The following BAG6 variants were observed in gnomAD, a reference collection of about 807,000 sequenced individuals.
The protein encoded by BAG6 is large proline-rich protein BAG6.
BAG6 carries 22 observed loss-of-function variants against 121.0 expected under a neutral mutation model. The observed-to-expected ratio is 0.18, with a 90% CI of 0.13 to 0.26. The LOEUF (loss-of-function observed/expected upper bound fraction) is 0.26, where lower values mean the gene tolerates loss of function less well. BAG6 is among the 10% of genes least tolerant of loss of function. The pLI, the probability that BAG6 is intolerant of heterozygous loss-of-function variation, is 1.00. For synonymous variants in BAG6, 583 were observed against 584.6 expected (o/e 1.00, Z 0.04); for missense variants, 1,233 against 1,537.7 (o/e 0.80, Z 3.31).
chr6:31,643,538 A>G (rs996963962), intron 14 of BAG6, among the ~76,000 whole-genome samples: 2 of 151,942 alleles, frequency 1.3e-5, no homozygotes, highest in Non-Finnish European at 2.9e-5. Flanking sequence ...CCTGGCCAAC[A>G]TGGTGAAACC....
At chr6:31,646,370 G>C in intron 8 of BAG6, 24 bp downstream of exon 8, 1 of 1,610,246 alleles carries the variant, frequency 6.2e-7, no homozygotes, top group African/African-American at 1.3e-5. Flanking sequence ...TGAGGAGAAA[G>C]GGCAGGGCCA....
In BAG6 at chr6:31,641,991, C is replaced by G. The variant is rs753043642; in HGVS notation, c.2336-46G>C. The G allele has an allele frequency of 1.9e-6, 3 of 1,605,562 alleles. No individual in the cohort carries two copies. Among genetic ancestry groups the G allele is most frequent in the East Asian group, 2.2e-5 (1 of 44,778 alleles). On this transcript the variant is annotated intron_variant, in intron 16 of 25. Transcript: ENST00000676615. The surrounding 1 kb of genome is among the most constrained non-coding windows in gnomAD (Gnocchi z 5.7). ...TTAGCAATGGCCTTTACCACCTGGC[C>G]TGCCCACCCACAACCAGATCATCAA...
chr6:31,644,556 G>C lies in BAG6; in HGVS notation c.1416C>G (p.Pro472=), dbSNP rs754798901. The C allele has an allele frequency of 6.2e-7, 1 of 1,612,300 alleles. No homozygotes were observed. Among genetic ancestry groups the C allele is most frequent in the East Asian group, 2.2e-5 (1 of 44,880 alleles). ...TTTGGCCATGACCAGGGGGTCCCAG[G>C]GGGCCAGTGGGAGCACTCGGAACAC... ...PGGVPSAPTG[P]LGPPGHGQTL... The change falls in exon 11 of 26, where the codon CCC becomes CCG. Residue 472 remains proline (P), a synonymous_variant. Transcript: ENST00000676615. The surrounding 1 kb of genome is among the most constrained non-coding windows in gnomAD (Gnocchi z 4.9).
chr6:31,642,269 C>T lies in BAG6; in HGVS notation c.2178G>A (p.Leu726=), dbSNP rs1783561814. Residue 726 remains leucine, a synonymous_variant, in exon 16 of 26, where the codon CTG becomes CTA. Coordinates refer to ENST00000676615, the MANE Select transcript of BAG6 (RefSeq NM_001387994.1). ...GSPGGLGLES[L]SPEFFTSVVQ... ...CCACTGAGGTAAAAAACTCCGGTGA[C>T]AGGCTCTCAAGACCCAGGCCTCCAG... 2.5e-6 allele frequency: 4 copies of T among 1,608,466 alleles called. No individual in the cohort carries two copies. The highest frequency in any genetic ancestry group is 1.3e-5 in the African/African-American group (1 of 74,648).
Position 31,644,167 on chromosome 6 carries a change from G to A in BAG6, c.1583C>T (p.Ala528Val), listed in dbSNP as rs766716493. Residue 528 changes from alanine (A) to valine (V), a missense_variant, in exon 13 of 26, where the codon GCT (alanine) becomes GTT (valine). Coordinates refer to ENST00000676615, the MANE Select transcript of BAG6 (RefSeq NM_001387994.1). The surrounding 1 kb of genome is among the most constrained non-coding windows in gnomAD (Gnocchi z 4.9). ...AGQQVPGFPTAPTRVVIARPT... is the reference protein window; with the variant it reads ...AGQQVPGFPTVPTRVVIARPT... The stretch of plus-strand genomic sequence containing the variant: ...CCGGGCAATCACCACCCGGGTTGGA[G>A]CTGTTGGGAAGCCTGGCACCTGCTG... The A allele has an allele frequency of 1.9e-6, 3 of 1,613,780 alleles. No individual in the cohort carries two copies. Among genetic ancestry groups the A allele is most frequent in the Middle Eastern group, 1.6e-4 (1 of 6,084 alleles).
At chr6:31,646,770 T>G (rs1463918132) in intron 7 of BAG6, among the ~76,000 whole-genome samples, 4 of 124,518 alleles carry the variant, frequency 3.2e-5, no homozygotes, top group Admixed American at 8.2e-5. Flanking sequence ...ATTTTTGTTT[T>G]TTTTTTTTTT....
Position 31,642,932 on chromosome 6 carries a change from G to A in BAG6, c.1940C>T (p.Pro647Leu). The change falls in exon 15 of 26, where the codon CCT becomes CTT. Residue 647 changes from proline (P) to leucine (L), a missense_variant. Transcript: ENST00000676615. Reference protein sequence around the residue: ...FSQLLGNLLGPAGPGAGGSGV... With the variant: ...FSQLLGNLLGLAGPGAGGSGV... ...AGACCCTCCAGCCCCTGGCCCTGCA[G>A]GCCCTAGCAGGTTCCCCAGAAGCTG... The A allele has an allele frequency of 1.9e-6, 3 of 1,608,740 alleles. No individual in the cohort carries two copies. The South Asian group carries it at 3.3e-5, about 18-fold the overall frequency.
At chr6:31,643,452 G>A (rs544364453) in intron 14 of BAG6, among the ~76,000 whole-genome samples, 3 of 151,472 alleles carry the variant, frequency 2.0e-5, no homozygotes, top group South Asian at 4.2e-4. Flanking sequence ...GGCCGGGCAC[G>A]ATGGCTCAAG....
At chr6:31,648,590 A>C in intron 6 of BAG6, 87 bp downstream of exon 6, 1 of 1,298,912 alleles carries the variant, frequency 7.7e-7, no homozygotes, top group South Asian at 1.3e-5. Context: ...AACCCTGTGG[A>C]TGTGGCCAGT....
intron 9 of BAG6, 51 bp from the exon 10 acceptor site, chr6:31,645,249 C>A: frequency 6.3e-7 from 1 of 1,599,406 alleles, no homozygotes; most frequent in Non-Finnish European, 8.5e-7. Flanking sequence ...AAGAGCCTAA[C>A]CAAGAAAACC....
Position 31,640,537 on chromosome 6 carries a change from C to G in BAG6, c.2995-9G>C. ...GGGGAAGCATTCTCCCGCTGGGTGT[C>G]AGATGGCGGGAAGAGCCAGGCTTCA... On this transcript the variant is annotated splice_polypyrimidine_tract_variant and intron_variant, in intron 22 of 25. Transcript: ENST00000676615. This position sits in a 1 kb window ranked among gnomAD's most constrained non-coding sequence, Gnocchi z 4.2. 1 of 1,612,894 alleles carries G rather than the reference C, an allele frequency of 6.2e-7. No homozygotes were observed. The highest frequency in any genetic ancestry group is 8.5e-7 in the Non-Finnish European group (1 of 1,179,924).
intron 25 of BAG6, 99 bp from the exon 26 acceptor site, chr6:31,639,325 C>T (rs147628511): frequency 5.5e-6 from 8 of 1,451,762 alleles, no homozygotes; most frequent in Middle Eastern, 2.1e-4. Context: ...CATTTCCCCC[C>T]CCAAGCACAC....
chr6:31,651,922 A>T, intron 1 of BAG6, 146 bp from the exon 2 acceptor site: 1 of 571,022 alleles, frequency 1.8e-6, no homozygotes, highest in South Asian at 2.1e-5. Flanking sequence ...CCCCCTTCTG[A>T]TTCCGGGGCA....
In BAG6 at chr6:31,641,301, C is replaced by G; in HGVS notation, c.2662+19G>C. The G allele has an allele frequency of 6.2e-7, 1 of 1,613,856 alleles. No individual in the cohort carries two copies. Among genetic ancestry groups the G allele is most frequent in the South Asian group, 1.1e-5 (1 of 91,062 alleles). ...ACATGCAACAGGCCCCACTTGCCCCCGCCTGGCCAGCCCCTGACCTGTGCA... is the reference window on the plus strand; with the variant it reads ...ACATGCAACAGGCCCCACTTGCCCCGGCCTGGCCAGCCCCTGACCTGTGCA... On this transcript the variant is annotated intron_variant, in intron 19 of 25. Transcript: ENST00000676615. This position sits in a 1 kb window ranked among gnomAD's most constrained non-coding sequence, Gnocchi z 5.7.
At chr6:31,647,968 C>T (rs1791750689) in intron 6 of BAG6, 142 bp from the exon 7 acceptor site, 1 of 1,137,862 alleles carries the variant, frequency 8.8e-7, no homozygotes, top group Non-Finnish European at 1.2e-6. Flanking sequence ...GACTCGCTAG[C>T]AACTAGCATA....
intron 8 of BAG6, 139 bp from the exon 9 acceptor site, chr6:31,645,743 C>T (rs2150871638): frequency 2.0e-6 from 2 of 1,008,010 alleles, no homozygotes; most frequent in South Asian, 1.4e-5. Context: ...TACATGTAGA[C>T]CAAATCTTTG....
In BAG6 at chr6:31,639,134, A is replaced by C; in HGVS notation, c.3486T>G (p.Pro1162=). 6.2e-7 allele frequency: 1 copy of C among 1,607,812 alleles called. No homozygotes were observed. Among genetic ancestry groups the C allele is most frequent in the Non-Finnish European group, 8.5e-7 (1 of 1,175,626 alleles). The change falls in exon 26 of 26, where the codon CCT becomes CCG. Residue 1162 remains proline, a synonymous_variant. Coordinates refer to ENST00000676615, the MANE Select transcript of BAG6 (RefSeq NM_001387994.1). ...PNAQRAFADD[P] is the part of the protein sequence containing the mutation. ...GGAAGGGCCATAGAGCAAAGAGCTA[A>C]GGATCATCAGCAAAGGCCCGCTGGG...
At chr6:31,646,680 C>T (rs1234041009) in intron 7 of BAG6, among the ~76,000 whole-genome samples, 157 bp from the exon 8 acceptor site, 3 of 151,920 alleles carry the variant, frequency 2.0e-5, no homozygotes, top group Admixed American at 6.6e-5. Context: ...CTTCAACCTC[C>T]GCCTCCCAGG....
chr6:31,642,246 A>G lies in BAG6; in HGVS notation c.2201T>C (p.Val734Ala). 1 of 1,612,366 alleles carries G rather than the reference A, an allele frequency of 6.2e-7. No individual in the cohort carries two copies. The highest frequency in any genetic ancestry group is 8.5e-7 in the Non-Finnish European group (1 of 1,179,780). ...ESLSPEFFTS[V>A]VQGVLSSLLG... Reference sequence around the variant, plus strand: ...CAGGGAGCTGAGCACACCCTGCACCACTGAGGTAAAAAACTCCGGTGACAG... The same window carrying G: ...CAGGGAGCTGAGCACACCCTGCACCGCTGAGGTAAAAAACTCCGGTGACAG... Residue 734 changes from valine (V) to alanine (A), a missense_variant, in exon 16 of 26, where the codon GTG becomes GCG. Coordinates refer to ENST00000676615, the MANE Select transcript of BAG6 (RefSeq NM_001387994.1).
Sources: gnomAD v4.1 joint callset for allele counts (sites outside exome capture counted in the v4.1 genomes callset) on GRCh38, gnomAD v4.1.1 for gene constraint, Gnocchi (gnomAD v3.1) non-coding constraint, MANE v1.5 for transcripts, NCBI Gene and HGNC (gene_info 2026-07-23, HGNC 2026-07-21) for gene names.